The following ADCY7 variants were observed in gnomAD, a reference collection of about 807,000 sequenced individuals.
ADCY7 encodes the protein adenylate cyclase 7.
A neutral mutation model predicts 120.6 loss-of-function variants in ADCY7; 72 were observed. The ratio of observed to expected loss-of-function variants is 0.60; its 90% confidence interval spans 0.49 to 0.73. The LOEUF (loss-of-function observed/expected upper bound fraction) is 0.73. Among genes scored for constraint, ADCY7 ranks in the 30% least tolerant of loss-of-function variants. The probability of loss-of-function intolerance (pLI) is 0.00; values close to 1 mark genes in which losing one functional copy is unlikely to be tolerated. For synonymous variants in ADCY7, 661 were observed against 628.0 expected (o/e 1.05, Z -0.78); for missense variants, 1,227 against 1,486.0 (o/e 0.83, Z 2.87).
At chr16:50,251,438 C>T (rs890036713) in intron 1 of ADCY7, among the ~76,000 whole-genome samples, 3 of 152,184 alleles carry the variant, frequency 2.0e-5, no homozygotes, top group Admixed American at 6.5e-5. Context: ...GAGGGGCAGG[C>T]CTTGTTTCTC....
At chr16:50,253,565 C>A (rs1294215189) in intron 1 of ADCY7, among the ~76,000 whole-genome samples, 1 of 152,118 alleles carries the variant, frequency 6.6e-6, no homozygotes, top group Non-Finnish European at 1.5e-5. Flanking sequence ...AAAATGGGTC[C>A]GTTTCTTACC....
At chr16:50,275,290 C>T (rs887997534) in intron 1 of ADCY7, among the ~76,000 whole-genome samples, 1 of 152,224 alleles carries the variant, frequency 6.6e-6, no homozygotes, top group African/African-American at 2.4e-5. Context: ...TTGTGCGCAG[C>T]TAGCCCAACC....
chr16:50,309,730 G>C, intron 18 of ADCY7, 84 bp downstream of exon 18: 2 of 1,225,370 alleles, frequency 1.6e-6, no homozygotes, highest in Non-Finnish European at 2.3e-6. Context: ...CTCAAAGCAT[G>C]GGTGCTGACC....
intron 1 of ADCY7, 29 bp downstream of exon 1, chr16:50,266,709 C>T (rs1466834556): frequency 6.5e-6 from 1 of 152,834 alleles, no homozygotes; most frequent in Non-Finnish European, 1.5e-5. Context: ...GATGGAGTGT[C>T]ACCAGTCCTA....
rs751114862 is a variant in ADCY7, at chr16:50,304,420, A to C, written c.1429A>C (p.Lys477Gln). 7 of 1,601,056 alleles carry C rather than the reference A, an allele frequency of 4.4e-6. No individual in the cohort carries two copies. The African/African-American group carries it at 8.1e-5, about 18-fold the overall frequency. Reference sequence around the variant, plus strand: ...CAGGCCCAAGGGGGACGCGGCCCTGAAGATGCGGGCGTCAGTGCGCATGAC... The same window carrying C: ...CAGGCCCAAGGGGGACGCGGCCCTGCAGATGCGGGCGTCAGTGCGCATGAC... ...LPRPKGDAAL[K>Q]MRASVRMTRY... Residue 477 changes from lysine to glutamine, a missense_variant, in exon 11 of 26, where the codon AAG becomes CAG. By Grantham distance (53) the Lys-to-Gln change is moderately conservative. This residue lies in a region of ADCY7 where 332 missense variants were observed against 455.8 expected (regional missense o/e 0.73). Coordinates refer to ENST00000673801, the MANE Select transcript of ADCY7 (RefSeq NM_001114.5).
chr16:50,303,874 G>A (rs1032976753), intron 10 of ADCY7, among the ~76,000 whole-genome samples: 4 of 152,140 alleles, frequency 2.6e-5, no homozygotes, highest in African/African-American at 4.8e-5. Flanking sequence ...AGGAAGGAGC[G>A]AATGCGTGCC....
chr16:50,272,067 T>C lies in ADCY7; in HGVS notation c.-269+5387T>C, dbSNP rs570253098. Among the ~76,000 whole-genome samples the C allele has an allele frequency of 1.1e-3, 165 of 152,280 alleles. No individual in the cohort carries two copies. The South Asian group carries it at 0.011, about 10-fold the overall frequency. ...TTGGTGCAGGTACCCCCGTTTCCAG[T>C]TGTGTTTCCTGGCCCCAGGCTCTGC... On this transcript the variant is annotated intron_variant, in intron 1 of 25. Coordinates refer to ENST00000673801, the MANE Select transcript of ADCY7 (RefSeq NM_001114.5).
chr16:50,302,761 C>T (rs960665910), intron 10 of ADCY7, among the ~76,000 whole-genome samples: 6 of 152,336 alleles, frequency 3.9e-5, no homozygotes, highest in African/African-American at 1.4e-4. Context: ...GTCCCCCCAC[C>T]CTTCTTGCTA....
At chr16:50,274,529 T>C (rs2033762476) in intron 1 of ADCY7, among the ~76,000 whole-genome samples, 1 of 152,156 alleles carries the variant, frequency 6.6e-6, no homozygotes, top group South Asian at 2.1e-4. Flanking sequence ...CAGTCCCCTC[T>C]GTGTCTCTCG....
At chr16:50,301,269 C>G (rs1409598487) in intron 10 of ADCY7, 55 bp downstream of exon 10, 7 of 1,533,684 alleles carry the variant, frequency 4.6e-6, no homozygotes, top group Non-Finnish European at 6.1e-6. Flanking sequence ...TGGAGGGGCC[C>G]TGGAGAGCCT....
intron 1 of ADCY7, among the ~76,000 whole-genome samples, chr16:50,271,710 C>T (rs2033586271): frequency 6.6e-6 from 1 of 152,214 alleles, no homozygotes; most frequent in Admixed American, 6.5e-5. Flanking sequence ...CCTTTCCTGC[C>T]CTTGGCCCCC....
chr16:50,310,855 C>G lies in ADCY7; in HGVS notation c.2329C>G (p.Leu777Val). The change falls in exon 19 of 26, where the codon CTC (leucine) becomes GTC (valine). Residue 777 changes from leucine (L) to valine (V), a missense_variant. Coordinates refer to ENST00000673801, the MANE Select transcript of ADCY7 (RefSeq NM_001114.5). ...CTGCTGCGGCCAAGGCCTGGGCAACCTCACCAAGCCCAACGGCACCACCAG... is the reference window on the plus strand; with the variant it reads ...CTGCTGCGGCCAAGGCCTGGGCAACGTCACCAAGCCCAACGGCACCACCAG... ...WDCCGQGLGN[L>V]TKPNGTTSGT... The G allele has an allele frequency of 6.2e-7, 1 of 1,610,526 alleles. No individual in the cohort carries two copies. The highest frequency in any genetic ancestry group is 8.5e-7 in the Non-Finnish European group (1 of 1,178,802).
chr16:50,291,927 G>A (rs2035003482), intron 4 of ADCY7, 30 bp downstream of exon 4: 3 of 1,576,934 alleles, frequency 1.9e-6, no homozygotes, highest in Admixed American at 3.5e-5. Flanking sequence ...CTCTGGGGGA[G>A]GTTTTGTGGT....
intron 1 of ADCY7, among the ~76,000 whole-genome samples, chr16:50,285,746 G>A (rs952072908): frequency 2.6e-5 from 4 of 152,210 alleles, no homozygotes; most frequent in Admixed American, 2.0e-4. Context: ...TGGGAATATG[G>A]CAGCTGTCCC....
At chr16:50,284,946 A>C (rs1390560300) in intron 1 of ADCY7, among the ~76,000 whole-genome samples, 3 of 152,142 alleles carry the variant, frequency 2.0e-5, no homozygotes, top group Non-Finnish European at 4.4e-5. Flanking sequence ...GCAAAGGGCT[A>C]TTTTGGGGTG....
At chr16:50,291,941 G>T in intron 4 of ADCY7, 44 bp downstream of exon 4, 1 of 1,556,386 alleles carries the variant, frequency 6.4e-7, no homozygotes, top group Non-Finnish European at 8.7e-7. Flanking sequence ...TTGTGGTCTG[G>T]GTCTAAGGGC....
At chr16:50,304,123 G>A (rs1364914141) in intron 10 of ADCY7, among the ~76,000 whole-genome samples, 1 of 152,146 alleles carries the variant, frequency 6.6e-6, no homozygotes, top group Non-Finnish European at 1.5e-5. Context: ...AAAGGCCAGG[G>A]CACCGAGCTG....
At chr16:50,268,418 T>A (rs1412667841) in intron 1 of ADCY7, among the ~76,000 whole-genome samples, 3 of 152,132 alleles carry the variant, frequency 2.0e-5, no homozygotes, top group Non-Finnish European at 2.9e-5. Context: ...TTTCTTTTTT[T>A]AAGACAGGAT....
At chr16:50,255,402 G>GGAAAAAAAAAAAAAAAA (rs368044444) in intron 1 of ADCY7, among the ~76,000 whole-genome samples, 6 of 108,136 alleles carry the variant, frequency 5.5e-5, no homozygotes, top group African/African-American at 1.8e-4. Context: ...TCTGTTTCTG[G>GGAAAAAAAAAAAAAAAA]AAAAAAAAAA....
Sources: gnomAD v4.1 joint callset for allele counts (sites outside exome capture counted in the v4.1 genomes callset) on GRCh38, gnomAD v4.1.1 for gene constraint, gnomAD v4.1.1 regional missense constraint, MANE v1.5 for transcripts, NCBI Gene and HGNC (gene_info 2026-07-23, HGNC 2026-07-21) for gene names.